The following CNTN1 variants were observed in gnomAD, a reference collection of about 807,000 sequenced individuals.
CNTN1 encodes contactin 1.
In CNTN1, 38 loss-of-function variants were observed where a neutral mutation model predicts 126.4. The ratio of observed to expected loss-of-function variants is 0.30; its 90% CI spans 0.23 to 0.39. CNTN1 has a LOEUF of 0.39. CNTN1 is among the 10% of genes least tolerant of loss of function. The pLI, the probability that CNTN1 is intolerant of heterozygous loss-of-function variation, is 1.00. For missense variants in CNTN1, 1,009 were observed against 1,248.4 expected (o/e 0.81, Z 2.89); for synonymous variants, 413 against 422.6 (o/e 0.98, Z 0.28).
chr12:40,738,563 G>T (rs984997199), intron 1 of CNTN1, among the ~76,000 whole-genome samples: 1 of 151,864 alleles, frequency 6.6e-6, no homozygotes, highest in Non-Finnish European at 1.5e-5. Flanking sequence ...ATAAACTAGC[G>T]AAAGTAATAT....
chr12:41,014,400 A>C (rs1275375910), intron 18 of CNTN1, 102 bp downstream of exon 18: 1 of 1,139,604 alleles, frequency 8.8e-7, no homozygotes, highest in Non-Finnish European at 1.3e-6. Flanking sequence ...GTGACTGCCT[A>C]CTGCACAAGC....
chr12:40,987,777 A>T (rs1374126546), intron 16 of CNTN1, among the ~76,000 whole-genome samples: 4 of 152,152 alleles, frequency 2.6e-5, no homozygotes, highest in African/African-American at 9.7e-5. Context: ...AACAGCCAAA[A>T]CCCATGAGCT....
At chr12:41,042,489 G>A (rs1353642846) in intron 23 of CNTN1, among the ~76,000 whole-genome samples, 12 of 151,832 alleles carry the variant, frequency 7.9e-5, no homozygotes, top group Non-Finnish European at 1.8e-4. Flanking sequence ...TTTCTGTCTC[G>A]TTGATCTGTC....
At chr12:40,996,611 T>A (rs11179364) in intron 17 of CNTN1, among the ~76,000 whole-genome samples, 1 of 152,140 alleles carries the variant, frequency 6.6e-6, no homozygotes, top group South Asian at 2.1e-4. Flanking sequence ...GAAAATATGG[T>A]CTCCTGTCTA....
At chr12:41,066,014 C>A (rs977020360) in intron 23 of CNTN1, among the ~76,000 whole-genome samples, 15 of 152,092 alleles carry the variant, frequency 9.9e-5, no homozygotes, top group Admixed American at 6.6e-4. Flanking sequence ...CCTAATATAC[C>A]TCATATATAT....
chr12:40,970,449 C>T (rs907264993), intron 15 of CNTN1, among the ~76,000 whole-genome samples: 1 of 151,958 alleles, frequency 6.6e-6, no homozygotes, highest in African/African-American at 2.4e-5. Context: ...ACTGAATTTA[C>T]AACAAGCAGT....
chr12:40,978,381 G>T (rs1315562432), intron 15 of CNTN1, among the ~76,000 whole-genome samples: 2 of 151,656 alleles, frequency 1.3e-5, no homozygotes, highest in East Asian at 1.9e-4. Flanking sequence ...CCACACCAGG[G>T]TTTTGAAGAT....
chr12:41,046,984 C>T (rs1481224703), intron 23 of CNTN1, among the ~76,000 whole-genome samples: 23 of 151,226 alleles, frequency 1.5e-4, no homozygotes, highest in African/African-American at 5.4e-4. Flanking sequence ...TTATGCTTCT[C>T]ACTTGGCCAA....
chr12:41,042,950 T>C (rs1387366487), intron 23 of CNTN1, among the ~76,000 whole-genome samples: 1 of 152,128 alleles, frequency 6.6e-6, no homozygotes, highest in African/African-American at 2.4e-5. Context: ...TAGCCATATG[T>C]AGAAAGCTGA....
intron 1 of CNTN1, among the ~76,000 whole-genome samples, chr12:40,745,022 C>T (rs55786396): frequency 0.14 from 21,872 of 151,980 alleles, 1,850 homozygotes; most frequent in African/African-American, 0.23. Flanking sequence ...ATATTTGATG[C>T]GATCCATATT....
At chr12:40,978,319 C>G (rs1176564812) in intron 15 of CNTN1, among the ~76,000 whole-genome samples, 1 of 151,786 alleles carries the variant, frequency 6.6e-6, no homozygotes, top group African/African-American at 2.4e-5. Flanking sequence ...TAGGCAATTA[C>G]TAGATGGAAA....
chr12:40,755,503 G>C (rs765109842), intron 1 of CNTN1, among the ~76,000 whole-genome samples: 1 of 151,600 alleles, frequency 6.6e-6, no homozygotes, highest in Non-Finnish European at 1.5e-5. Flanking sequence ...GCTTGGGGCC[G>C]GGAGTTTGGG....
At chr12:40,898,544 A>G (rs1944494273) in intron 1 of CNTN1, among the ~76,000 whole-genome samples, 1 of 152,108 alleles carries the variant, frequency 6.6e-6, no homozygotes, top group South Asian at 2.1e-4. Flanking sequence ...TGAATTTAAC[A>G]TAAAATTCTC....
chr12:40,922,969 T>TAAAAAA (rs35911311), intron 5 of CNTN1, among the ~76,000 whole-genome samples: 3 of 101,592 alleles, frequency 3.0e-5, no homozygotes, highest in African/African-American at 1.2e-4. Flanking sequence ...GACTCTGCCT[T>TAAAAAA]AAAAAAAAAA....
intron 1 of CNTN1, among the ~76,000 whole-genome samples, chr12:40,711,168 G>T (rs1435320909): frequency 6.6e-6 from 1 of 152,078 alleles, no homozygotes; most frequent in Non-Finnish European, 1.5e-5. Flanking sequence ...AACATGAAGG[G>T]AAATTTTCTC....
chr12:40,973,915 A>C (rs903789243), intron 15 of CNTN1, among the ~76,000 whole-genome samples: 1 of 152,144 alleles, frequency 6.6e-6, no homozygotes, highest in Non-Finnish European at 1.5e-5. Flanking sequence ...TTATCAAAAA[A>C]ATGAATCTTG....
chr12:40,867,310 G>T (rs925195270), intron 1 of CNTN1, among the ~76,000 whole-genome samples: 1 of 152,004 alleles, frequency 6.6e-6, no homozygotes, highest in Non-Finnish European at 1.5e-5. Context: ...GCAGGGGAAA[G>T]AAAAATATAT....
At chr12:40,879,868 G>C (rs1943814096) in intron 1 of CNTN1, among the ~76,000 whole-genome samples, 1 of 151,864 alleles carries the variant, frequency 6.6e-6, no homozygotes. Context: ...TTAGAAATTT[G>C]TATCAAGATA....
At chr12:40,798,860 T>C (rs1592099437) in intron 1 of CNTN1, among the ~76,000 whole-genome samples, 1 of 152,018 alleles carries the variant, frequency 6.6e-6, no homozygotes. Context: ...GTTTACCTAT[T>C]TAACAAACCT....
Sources: gnomAD v4.1 joint callset for allele counts (sites outside exome capture counted in the v4.1 genomes callset) on GRCh38, gnomAD v4.1.1 for gene constraint, MANE v1.5 for transcripts, NCBI Gene and HGNC (gene_info 2026-07-23, HGNC 2026-07-21) for gene names.